The following ELAVL4 variants were observed in gnomAD, a reference collection of about 807,000 sequenced individuals.
ELAVL4 encodes the protein ELAV-like protein 4.
A neutral mutation model predicts 35.6 loss-of-function variants in ELAVL4; 1 was observed. That is an observed-to-expected ratio of 0.03 (90% confidence interval 0.01 to 0.13). The LOEUF (loss-of-function observed/expected upper bound fraction) is 0.13. ELAVL4 is among the 10% of genes least tolerant of loss of function. The pLI is 1.00. For synonymous variants in ELAVL4, 156 were observed against 171.0 expected, an observed-to-expected ratio of 0.91 and a Z score of 0.69; for missense variants, 267 against 464.9, an observed-to-expected ratio of 0.57 and a Z score of 3.91.
intron 2 of ELAVL4, among the ~76,000 whole-genome samples, chr1:50,160,632 G>A (rs1280600239): frequency 6.6e-6 from 1 of 152,186 alleles, no homozygotes; most frequent in Non-Finnish European, 1.5e-5. Context: ...TGTTATTTCA[G>A]AAAGGACACG....
At chr1:50,171,636 T>C (rs995259540) in intron 2 of ELAVL4, among the ~76,000 whole-genome samples, 1 of 152,150 alleles carries the variant, frequency 6.6e-6, no homozygotes, top group East Asian at 1.9e-4. Context: ...ATTAAGGGAT[T>C]ATCTCTGTTT....
intron 1 of ELAVL4, among the ~76,000 whole-genome samples, chr1:50,064,376 G>A (rs1664157266): frequency 6.6e-6 from 1 of 152,052 alleles, no homozygotes; most frequent in South Asian, 2.1e-4. Context: ...GGCTTGCATT[G>A]CTTCTTGGCC....
intron 1 of ELAVL4, among the ~76,000 whole-genome samples, chr1:50,089,359 G>A (rs1375492812): frequency 6.6e-6 from 1 of 152,112 alleles, no homozygotes; most frequent in Non-Finnish European, 1.5e-5. Flanking sequence ...TAGATTCCAG[G>A]ATGATCTCTG....
rs537659112 is a variant in ELAVL4 at position 50,128,286 on chromosome 1, G to A, written c.10-16671G>A. ...AGTTGAGTGAGACAACAATGATGAG[G>A]GCAATATAGCTTTAAAAGAATGAAT... On this transcript the variant is annotated intron_variant, in intron 1 of 6. Coordinates refer to ENST00000371824, the MANE Select transcript of ELAVL4 (RefSeq NM_001144774.3). Among the ~76,000 whole-genome samples the A allele has an allele frequency of 4.6e-5, 7 of 152,166 alleles. No individual in the cohort carries two copies. In the South Asian group the frequency reaches 1.5e-3, roughly 32 times the overall value.
intron 1 of ELAVL4, among the ~76,000 whole-genome samples, chr1:50,094,592 G>A (rs1241874907): frequency 6.6e-6 from 1 of 151,952 alleles, no homozygotes; most frequent in African/African-American, 2.4e-5. Flanking sequence ...GTTAATTGTT[G>A]TACTTCATGT....
chr1:50,093,929 C>T (rs1256603575), intron 1 of ELAVL4, among the ~76,000 whole-genome samples: 3 of 152,062 alleles, frequency 2.0e-5, no homozygotes, highest in African/African-American at 7.2e-5. Context: ...CTTAGTTTTC[C>T]TTATATGTCA....
chr1:50,068,978 CATTT>C (rs1572122789), intron 1 of ELAVL4, among the ~76,000 whole-genome samples: 1 of 152,262 alleles, frequency 6.6e-6, no homozygotes, highest in East Asian at 1.9e-4. Flanking sequence ...ATTCACAAAA[CATTT>C]ATTTATTTTA....
chr1:50,133,298 G>C (rs191316117), intron 1 of ELAVL4, among the ~76,000 whole-genome samples: 1 of 152,196 alleles, frequency 6.6e-6, no homozygotes, highest in Admixed American at 6.5e-5. Flanking sequence ...CTGCATCTTA[G>C]AACTTGACAG....
chr1:50,070,847 A>T lies in ELAVL4; in HGVS notation c.18+22665A>T, dbSNP rs142730393. ...CAACTTTTTGCTTTGGAAATACCACATACTCCATAGGACTGTTGGTGGAAT... is the reference window on the plus strand; with the variant it reads ...CAACTTTTTGCTTTGGAAATACCACTTACTCCATAGGACTGTTGGTGGAAT... On this transcript the variant is annotated intron_variant, in intron 1 of 6. Transcript: ENST00000448907. 2.6e-4 allele frequency among the ~76,000 whole-genome samples: 40 copies of T among 152,264 alleles called. 1 individual carries two copies. In the East Asian group the frequency reaches 7.5e-3, roughly 29 times the overall value.
upstream of ELAVL4, among the ~76,000 whole-genome samples, chr1:50,103,393 A>G (rs555235557): frequency 1.3e-5 from 2 of 152,286 alleles, no homozygotes; most frequent in South Asian, 4.1e-4. Flanking sequence ...GTATGTTTGC[A>G]TTTTCCTATA....
At chr1:50,165,604 G>A (rs1677671459) in intron 2 of ELAVL4, among the ~76,000 whole-genome samples, 1 of 146,720 alleles carries the variant, frequency 6.8e-6, no homozygotes, top group African/African-American at 2.5e-5. Flanking sequence ...ATACGTGTAT[G>A]TATACGTATA....
intron 1 of ELAVL4, among the ~76,000 whole-genome samples, chr1:50,134,677 C>T (rs1393354776): frequency 6.6e-6 from 1 of 152,068 alleles, no homozygotes; most frequent in Non-Finnish European, 1.5e-5. Context: ...ATTGAAAGTA[C>T]GGTACTGTAT....
At chr1:50,117,278 T>C (rs1466355665) in intron 1 of ELAVL4, among the ~76,000 whole-genome samples, 10 of 152,130 alleles carry the variant, frequency 6.6e-5, no homozygotes, top group Non-Finnish European at 2.9e-5. Flanking sequence ...ACATATTATA[T>C]TGACCTGTAC....
At chr1:50,079,323 C>T (rs776227706) in intron 1 of ELAVL4, among the ~76,000 whole-genome samples, 3 of 152,032 alleles carry the variant, frequency 2.0e-5, no homozygotes, top group Non-Finnish European at 2.9e-5. Flanking sequence ...TATTAGGGAG[C>T]GTTCTTGGGA....
chr1:50,104,196 C>CGTAAA (rs1666139314), upstream of ELAVL4, among the ~76,000 whole-genome samples: 1 of 152,128 alleles, frequency 6.6e-6, no homozygotes, highest in Non-Finnish European at 1.5e-5. Flanking sequence ...TCCCCTTTTA[C>CGTAAA]CCTTTTCAAA....
chr1:50,159,870 C>A (rs1676470559), intron 2 of ELAVL4, among the ~76,000 whole-genome samples: 2 of 152,086 alleles, frequency 1.3e-5, no homozygotes, highest in African/African-American at 4.8e-5. Flanking sequence ...GAGGGGAGAT[C>A]TTCTGCTGCC....
intron 1 of ELAVL4, among the ~76,000 whole-genome samples, chr1:50,139,470 T>G (rs909726759): frequency 2.0e-5 from 3 of 152,218 alleles, no homozygotes. Context: ...TAATGTTCTC[T>G]GGTATCTGTT....
chr1:50,086,622 T>C (rs573547205), intron 1 of ELAVL4, among the ~76,000 whole-genome samples: 2 of 152,170 alleles, frequency 1.3e-5, no homozygotes, highest in East Asian at 3.9e-4. Context: ...TCAGTGACTC[T>C]CTGCAATGGA....
intron 2 of ELAVL4, among the ~76,000 whole-genome samples, chr1:50,165,629 A>C: frequency 6.8e-6 from 1 of 147,940 alleles, no homozygotes; most frequent in African/African-American, 2.5e-5. Flanking sequence ...TATATGCATA[A>C]ATATATGTAT....
Sources: gnomAD v4.1 joint callset for allele counts (sites outside exome capture counted in the v4.1 genomes callset) on GRCh38, gnomAD v4.1.1 for gene constraint, MANE v1.5 for transcripts, NCBI Gene and HGNC (gene_info 2026-07-23, HGNC 2026-07-21) for gene names.